IQGAP2: variants seen among roughly 807,000 people sequenced by gnomAD.
IQGAP2 encodes the protein IQ motif containing GTPase activating protein 2.
A neutral mutation model predicts 201.3 loss-of-function variants in IQGAP2; 173 were observed. The ratio of observed to expected loss-of-function variants is 0.86; its 90% CI spans 0.76 to 0.98. IQGAP2 has a LOEUF of 0.98. Among genes scored for constraint, IQGAP2 ranks in the 50% least tolerant of loss-of-function variants. The pLI, the probability that IQGAP2 is intolerant of heterozygous loss-of-function variation, is 0.00. For synonymous variants in IQGAP2, 675 were observed against 673.9 expected, an observed-to-expected ratio of 1.00 and a Z score of -0.03; for missense variants, 1,687 against 1,864.8, an observed-to-expected ratio of 0.90 and a Z score of 1.76.
At chr5:76,590,340 T>A in intron 7 of IQGAP2, 68 bp from the exon 8 acceptor site, 3 of 1,201,002 alleles carry the variant, frequency 2.5e-6, no homozygotes, top group Non-Finnish European at 2.3e-6. Flanking sequence ...TTACACAGGG[T>A]CAATGCAACT....
rs117553445 is a variant in IQGAP2 at position 76,675,147 on chromosome 5, A to G, written c.3527+438A>G. 1.2e-4 allele frequency among the ~76,000 whole-genome samples: 18 copies of G among 152,346 alleles called. No individual in the cohort carries two copies. The East Asian group carries it at 3.5e-3, about 29-fold the overall frequency. On this transcript the variant is annotated intron_variant, in intron 27 of 35. Transcript: ENST00000274364. ...GATACATTTGACCCTTGATTAACAC[A>G]GGTTTGAACTGCTCGGGTCTATTTA...
rs114439938 is a variant in IQGAP2 at position 76,566,156 on chromosome 5, G to A, written c.303+3604G>A. 1.7e-3 allele frequency among the ~76,000 whole-genome samples: 259 copies of A among 152,212 alleles called. 1 individual carries two copies. Among genetic ancestry groups the A allele is most frequent in the Admixed American group, 2.8e-3 (43 of 15,284 alleles). ...TCAGGCACTATTCTAGGCACTAATG[G>A]CAGAATAGTGAGCCAAGCAGACAAG... On this transcript the variant is annotated intron_variant, in intron 3 of 35. Coordinates refer to ENST00000274364, the MANE Select transcript of IQGAP2 (RefSeq NM_006633.5).
At chr5:76,599,612 G>T (rs994452497) in intron 10 of IQGAP2, among the ~76,000 whole-genome samples, 4 of 151,974 alleles carry the variant, frequency 2.6e-5, no homozygotes, top group Non-Finnish European at 5.9e-5. Context: ...TTACTTACAT[G>T]CTCTCGATGG....
intron 17 of IQGAP2, among the ~76,000 whole-genome samples, chr5:76,645,881 G>C (rs1238752140): frequency 6.6e-6 from 1 of 151,464 alleles, no homozygotes; most frequent in Non-Finnish European, 1.5e-5. Flanking sequence ...ATGCAGGAAT[G>C]ATTCAATATT....
intron 2 of IQGAP2, among the ~76,000 whole-genome samples, chr5:76,516,813 A>G (rs1219613403): frequency 6.6e-6 from 1 of 152,250 alleles, no homozygotes; most frequent in Non-Finnish European, 1.5e-5. Context: ...AGAAAGGTAT[A>G]TGTTCCCTTT....
chr5:76,472,759 G>A (rs920012172), intron 2 of IQGAP2, among the ~76,000 whole-genome samples: 5 of 152,042 alleles, frequency 3.3e-5, no homozygotes, highest in Non-Finnish European at 5.9e-5. Context: ...ACAAATAATC[G>A]GTATTAATCA....
chr5:76,646,974 TA>T (rs747660172), intron 17 of IQGAP2, among the ~76,000 whole-genome samples: 1 of 152,204 alleles, frequency 6.6e-6, no homozygotes, highest in Non-Finnish European at 1.5e-5. Context: ...TTAGTTCTAA[TA>T]AATTTTTAGT....
At chr5:76,486,207 G>T (rs1274246497) in intron 2 of IQGAP2, among the ~76,000 whole-genome samples, 1 of 152,172 alleles carries the variant, frequency 6.6e-6, no homozygotes, top group South Asian at 2.1e-4. Flanking sequence ...AGTTGCCAAG[G>T]ACTGAAAGTG....
At chr5:76,529,731 G>A (rs1424376396) in intron 2 of IQGAP2, among the ~76,000 whole-genome samples, 1 of 151,278 alleles carries the variant, frequency 6.6e-6, no homozygotes, top group Non-Finnish European at 1.5e-5. Flanking sequence ...GAAATTGGGG[G>A]AAATTGGAAG....
intron 32 of IQGAP2, among the ~76,000 whole-genome samples, chr5:76,696,337 C>G (rs1196002023): frequency 6.6e-6 from 1 of 152,116 alleles, no homozygotes; most frequent in Non-Finnish European, 1.5e-5. Context: ...TGTTTTTAAG[C>G]AATTTAGCCT....
At chr5:76,472,226 G>A (rs1182805979) in intron 2 of IQGAP2, among the ~76,000 whole-genome samples, 3 of 152,242 alleles carry the variant, frequency 2.0e-5, no homozygotes, top group African/African-American at 7.2e-5. Context: ...CAGGGAGAGA[G>A]TAACTTGTGA....
chr5:76,668,641 G>C (rs543864416), intron 22 of IQGAP2, 40 bp from the exon 23 acceptor site: 1 of 1,530,564 alleles, frequency 6.5e-7, no homozygotes, highest in Non-Finnish European at 8.9e-7. Context: ...TTATTGTTTT[G>C]TGGGATTTTT....
At chr5:76,467,538 C>T (rs1189331260) in intron 2 of IQGAP2, among the ~76,000 whole-genome samples, 1 of 152,136 alleles carries the variant, frequency 6.6e-6, no homozygotes, top group Non-Finnish European at 1.5e-5. Context: ...CATTGCTGAA[C>T]AGATTGTAAA....
chr5:76,619,725 A>T lies in IQGAP2; in HGVS notation c.1522-7685A>T, dbSNP rs894934271. 2.6e-5 allele frequency among the ~76,000 whole-genome samples: 4 copies of T among 151,932 alleles called. No homozygotes were observed. In the East Asian group the frequency reaches 5.8e-4, roughly 22 times the overall value. On this transcript the variant is annotated intron_variant, in intron 13 of 35. Coordinates refer to ENST00000274364, the MANE Select transcript of IQGAP2 (RefSeq NM_006633.5). The stretch of plus-strand genomic sequence containing the variant: ...AGTAGAGACAGGGTTTCACCATGTT[A>T]GCCAGGATGGTCTCGATCTCCTGAC...
At position 76,657,522 on chromosome 5, in the gene IQGAP2, G is replaced by T. The variant is rs190327974; in HGVS notation, c.2321-937G>T. Among the ~76,000 whole-genome samples, 10 of 152,302 alleles carry T rather than the reference G, an allele frequency of 6.6e-5. No homozygotes were observed. In the East Asian group the frequency reaches 1.9e-3, roughly 29 times the overall value. On this transcript the variant is annotated intron_variant, in intron 20 of 35. Transcript: ENST00000274364. ...GTCAAAACACCACAGAACTAAGGTG[G>T]AAGTAAAAGGAAGACTGTCAAGGGC...
chr5:76,614,605 CTTTTTTTTTTTTTT>C (rs10603126), intron 13 of IQGAP2, among the ~76,000 whole-genome samples: 1 of 59,572 alleles, frequency 1.7e-5, no homozygotes, highest in African/African-American at 7.2e-5. Flanking sequence ...TTCCCCTCTG[CTTTTTTTTTTTTTT>C]TTTTTTTTTT....
Position 76,562,398 on chromosome 5 carries a change from G to A in IQGAP2, c.149G>A (p.Trp50Ter). 1 of 1,610,048 alleles carries A rather than the reference G, an allele frequency of 6.2e-7. No homozygotes were observed. The highest frequency in any genetic ancestry group is 8.5e-7 in the Non-Finnish European group (1 of 1,177,798). ...YLCHLEEAKR[W>*]MEVCLVEELP... ...TATTTTTTTTTTAATCTCTTTAGGTGGATGGAAGTTTGCTTAGTTGAAGAA... is the reference window on the plus strand; with the variant it reads ...TATTTTTTTTTTAATCTCTTTAGGTAGATGGAAGTTTGCTTAGTTGAAGAA... The change falls in exon 3 of 36, where the codon TGG (tryptophan) becomes TAG (stop). Residue 50 changes from tryptophan (W) to a stop codon, truncating the protein, a stop_gained and splice_region_variant. Coordinates refer to ENST00000274364, the MANE Select transcript of IQGAP2 (RefSeq NM_006633.5). LOFTEE classifies it high-confidence loss of function.
chr5:76,588,843 A>G, intron 5 of IQGAP2, 63 bp from the exon 6 acceptor site: 1 of 970,746 alleles, frequency 1.0e-6, no homozygotes, highest in Non-Finnish European at 1.6e-6. Flanking sequence ...AGAATTATGT[A>G]ATTTATAACA....
intron 1 of IQGAP2, among the ~76,000 whole-genome samples, chr5:76,460,857 C>G (rs1350251934): frequency 8.0e-6 from 1 of 124,502 alleles, no homozygotes; most frequent in Non-Finnish European, 1.7e-5. Context: ...CGTTTGCACA[C>G]TGCTTTTTTT....
Sources: allele counts gnomAD v4.1 joint callset (sites outside exome capture counted in the v4.1 genomes callset), GRCh38; gene constraint gnomAD v4.1.1; transcripts MANE v1.5; gene names NCBI Gene and HGNC (gene_info 2026-07-23, HGNC 2026-07-21).